ESPN: variants seen among roughly 807,000 people sequenced by gnomAD.
ESPN encodes the protein autosomal recessive deafness type 36 protein.
ESPN carries 68 observed loss-of-function variants against 77.7 expected under a neutral mutation model. The ratio of observed to expected loss-of-function variants is 0.87; its 90% CI spans 0.72 to 1.07. ESPN has a LOEUF of 1.07. Among genes scored for constraint, ESPN ranks in the 50% least tolerant of loss-of-function variants. The pLI, the probability that ESPN is intolerant of heterozygous loss-of-function variation, is 0.00. For synonymous variants in ESPN, 449 were observed against 567.1 expected, an observed-to-expected ratio of 0.79 and a Z score of 2.96; for missense variants, 1,060 against 1,239.0, an observed-to-expected ratio of 0.86 and a Z score of 2.17.
chr1:6,439,742 C>T (rs1408627426), intron 2 of ESPN, among the ~76,000 whole-genome samples: 2 of 152,044 alleles, frequency 1.3e-5, no homozygotes, highest in Non-Finnish European at 2.9e-5. Context: ...AGCCTGGGTG[C>T]GGTGGCTCTG....
intron 5 of ESPN, among the ~76,000 whole-genome samples, chr1:6,443,775 A>G (rs1260141635): frequency 6.6e-6 from 1 of 152,190 alleles, no homozygotes; most frequent in African/African-American, 2.4e-5. Context: ...GGGAGGGGGC[A>G]TGGGGCAAGG....
intron 12 of ESPN, 104 bp from the exon 13 acceptor site, chr1:6,459,895 A>G: frequency 1.4e-6 from 2 of 1,456,428 alleles, no homozygotes; most frequent in Non-Finnish European, 1.9e-6. Context: ...CACCCCTTGC[A>G]TGGGTGACCT....
Position 6,459,987 on chromosome 1 carries a change from C to G in ESPN, c.2418-12C>G, listed in dbSNP as rs773183673. The G allele has an allele frequency of 5.0e-6, 8 of 1,613,268 alleles. No individual in the cohort carries two copies. The highest frequency in any genetic ancestry group is 6.8e-6 in the Non-Finnish European group (8 of 1,179,988). ...GACTTCACCGGGTCTGCCCCCCTCC[C>G]CACTGCCTCAGGAAAGAGGAGGAGC... On this transcript the variant is annotated splice_polypyrimidine_tract_variant and intron_variant, in intron 12 of 12. Transcript: ENST00000645284.
intron 10 of ESPN, chr1:6,456,018 C>G: frequency 2.5e-6 from 1 of 396,926 alleles, no homozygotes; most frequent in Non-Finnish European, 4.4e-6. Context: ...GCCGCCGCCG[C>G]CGCCCCCGCC....
intron 2 of ESPN, among the ~76,000 whole-genome samples, chr1:6,436,184 G>A (rs1323711710): frequency 1.3e-5 from 2 of 152,232 alleles, no homozygotes; most frequent in East Asian, 1.9e-4. Flanking sequence ...GGGTGTAGAC[G>A]TGGCACATTT....
chr1:6,445,768 C>A lies in ESPN; in HGVS notation c.1297C>A (p.Pro433Thr), dbSNP rs775575981. 32 of 1,498,708 alleles carry A rather than the reference C, an allele frequency of 2.1e-5. No homozygotes were observed. The highest frequency in any genetic ancestry group is 7.7e-5 in the Admixed American group (4 of 52,130). 92.8% of individuals were successfully genotyped at this position (1,498,708 alleles called of 1,614,324 possible). Residue 433 changes from proline (P) to threonine (T), a missense_variant, in exon 7 of 13, where the codon CCC becomes ACC. Physicochemically the swap from Pro to Thr is conservative, Grantham distance 38 (BLOSUM62 -1). Transcript: ENST00000645284. ...GATTGGGAAGCCCACACCCCCACCA[C>A]CCCCACCCAGCTTCCCCCCGCCACC... ...GTIGKPTPPP[P>T]PPSFPPPPPP...
chr1:6,444,884 C>T (rs1164471473), intron 6 of ESPN, among the ~76,000 whole-genome samples: 4 of 152,190 alleles, frequency 2.6e-5, no homozygotes, highest in Non-Finnish European at 5.9e-5. Context: ...CACAAACATA[C>T]ATGTACATCC....
chr1:6,431,662 CGAAAGAAAGGAA>C (rs1158298504), intron 2 of ESPN, among the ~76,000 whole-genome samples: 5 of 128,934 alleles, frequency 3.9e-5, no homozygotes, highest in Non-Finnish European at 6.6e-5. Context: ...AAGGAACGAA[CGAAAGAAAGGAA>C]GAAAGGAAGG....
chr1:6,452,161 C>T (rs940901468), intron 10 of ESPN, 65 bp downstream of exon 10: 20 of 1,463,916 alleles, frequency 1.4e-5, no homozygotes, highest in Middle Eastern at 2.5e-4. Context: ...CCATCCCCCA[C>T]GCCACCCCCA....
At position 6,427,654 on chromosome 1, in the gene ESPN, GT is replaced by G. The variant is rs760882990; in HGVS notation, c.295-568del. On this transcript the variant is annotated intron_variant, in intron 1 of 12. Coordinates refer to ENST00000645284, the MANE Select transcript of ESPN (RefSeq NM_031475.3). The surrounding 1 kb of genome is among the most constrained non-coding windows in gnomAD (Gnocchi z 4.6). Reference sequence around the variant, plus strand: ...GGCGAGTCTGCTGGGGGAGGGGCCGGTTTTCTGCACTGAGGTTGGGTTCCTG... The same window carrying G: ...GGCGAGTCTGCTGGGGGAGGGGCCGGTTTCTGCACTGAGGTTGGGTTCCTG... 6.6e-6 allele frequency among the ~76,000 whole-genome samples: 1 copy of G among 152,228 alleles called. No individual in the cohort carries two copies. Among genetic ancestry groups the G allele is most frequent in the East Asian group, 1.9e-4 (1 of 5,198 alleles).
intron 5 of ESPN, among the ~76,000 whole-genome samples, chr1:6,442,571 TAA>T (rs869219412): frequency 3.5e-4 from 27 of 77,894 alleles, no homozygotes; most frequent in Admixed American, 5.0e-4. Flanking sequence ...AGACTCCTTC[TAA>T]AAAAAAAAAA....
At chr1:6,458,539 C>A (rs1249472791) in intron 12 of ESPN, among the ~76,000 whole-genome samples, 1 of 151,132 alleles carries the variant, frequency 6.6e-6, no homozygotes, top group East Asian at 2.0e-4. Flanking sequence ...TGGTCTCGAA[C>A]TCCTGACCTC....
chr1:6,451,630 C>G lies in ESPN; in HGVS notation c.1943C>G (p.Pro648Arg). ...ACCAAGTCTTTCAACATGATGTCCC[C>G]GACGGGCGACAACTCGGAGCTACTG... ...GSTKSFNMMS[P>R]TGDNSELLAE... Residue 648 changes from proline to arginine, a missense_variant, in exon 9 of 13, where the codon CCG becomes CGG. Physicochemically the swap from Pro to Arg is moderately radical, Grantham distance 103. Coordinates refer to ENST00000645284, the MANE Select transcript of ESPN (RefSeq NM_031475.3). This position sits in a 1 kb window ranked among gnomAD's most constrained non-coding sequence, Gnocchi z 4.3. 6.2e-7 allele frequency: 1 copy of G among 1,613,104 alleles called. No homozygotes were observed. Among genetic ancestry groups the G allele is most frequent in the Non-Finnish European group, 8.5e-7 (1 of 1,179,860 alleles).
chr1:6,439,463 C>A (rs1643542969), intron 2 of ESPN, among the ~76,000 whole-genome samples: 1 of 152,184 alleles, frequency 6.6e-6, no homozygotes, highest in Non-Finnish European at 1.5e-5. Flanking sequence ...TATGGTCAAC[C>A]AAGCATGACA....
In ESPN at chr1:6,424,969, A is replaced by G; in HGVS notation, c.14A>G (p.Gln5Arg). 4.1e-6 allele frequency: 6 copies of G among 1,454,408 alleles called. No homozygotes were observed. The highest frequency in any genetic ancestry group is 5.4e-6 in the Non-Finnish European group (6 of 1,107,750). 90.1% of individuals were successfully genotyped at this position (1,454,408 alleles called of 1,614,324 possible). A position where few individuals can be genotyped will look rare whatever the true frequency, so the allele number is the denominator to read the frequency against. Residue 5 changes from glutamine (Q) to arginine (R), a missense_variant, in exon 1 of 13, where the codon CAG becomes CGG. Physicochemically the swap from Gln to Arg is conservative, Grantham distance 43. Coordinates refer to ENST00000645284, the MANE Select transcript of ESPN (RefSeq NM_031475.3). Reference protein sequence around the residue: MALEQALQAARQGEL... With the variant: MALERALQAARQGEL... ...GCACGCGGCACCATGGCCCTGGAGC[A>G]GGCGCTGCAGGCGGCGCGGCAGGGC...
At chr1:6,433,907 T>C (rs1293934095) in intron 2 of ESPN, among the ~76,000 whole-genome samples, 2 of 152,168 alleles carry the variant, frequency 1.3e-5, no homozygotes, top group Non-Finnish European at 2.9e-5. Flanking sequence ...CCTTGTTCCC[T>C]GCTGCCCTTT....
Position 6,457,272 on chromosome 1 carries a change from G to C in ESPN, c.2405+9G>C, listed in dbSNP as rs769496864. 6.2e-7 allele frequency: 1 copy of C among 1,614,194 alleles called. No homozygotes were observed. The highest frequency in any genetic ancestry group is 8.5e-7 in the Non-Finnish European group (1 of 1,179,996). ...AAGCTGGAAGAAGAGAGGTGAGCTG[G>C]GGGTCAGGCAGAGGCTGGCCTGGCA... On this transcript the variant is annotated intron_variant, in intron 11 of 12. Coordinates refer to ENST00000645284, the MANE Select transcript of ESPN (RefSeq NM_031475.3).
Position 6,440,609 on chromosome 1 carries a change from C to G in ESPN, c.676-17C>G, listed in dbSNP as rs2148518774. ...GCGCCCAGCCCCCGCCCCCCTCTCCCCGCCCGTCCCGCCCAGGTGAGCTGC... is the reference window on the plus strand; with the variant it reads ...GCGCCCAGCCCCCGCCCCCCTCTCCGCGCCCGTCCCGCCCAGGTGAGCTGC... On this transcript the variant is annotated splice_polypyrimidine_tract_variant and intron_variant, in intron 3 of 12. Coordinates refer to ENST00000645284, the MANE Select transcript of ESPN (RefSeq NM_031475.3). The G allele has an allele frequency of 1.5e-6, 2 of 1,372,468 alleles. No homozygotes were observed. The highest frequency in any genetic ancestry group is 2.1e-5 in the Admixed American group (1 of 47,570). 85.0% of individuals were successfully genotyped at this position (1,372,468 alleles called of 1,614,324 possible). A position where few individuals can be genotyped will look rare whatever the true frequency, so the allele number is the denominator to read the frequency against.
chr1:6,455,645 C>A (rs1046978637), intron 10 of ESPN: 8 of 399,342 alleles, frequency 2.0e-5, no homozygotes, highest in African/African-American at 1.6e-4. Context: ...CGCTCGACCT[C>A]TTCATGCTCG....
Sources: allele counts gnomAD v4.1 joint callset (sites outside exome capture counted in the v4.1 genomes callset), GRCh38; gene constraint gnomAD v4.1.1; non-coding constraint Gnocchi (gnomAD v3.1); transcripts MANE v1.5; gene names NCBI Gene and HGNC (gene_info 2026-07-23, HGNC 2026-07-21).